Variants in LRRC58 observed in about 807,000 individuals in gnomAD.
LRRC58 encodes leucine rich repeat containing 58.
LRRC58 carries 18 observed loss-of-function variants against 30.6 expected under a neutral mutation model. The observed-to-expected ratio is 0.59, with a 90% confidence interval of 0.41 to 0.87. LRRC58 has a LOEUF of 0.87. Among genes scored for constraint, LRRC58 ranks in the 40% least tolerant of loss-of-function variants. The pLI is 0.00. For synonymous variants in LRRC58, 221 were observed against 206.0 expected, an observed-to-expected ratio of 1.07 and a Z score of -0.62; for missense variants, 420 against 468.4, an observed-to-expected ratio of 0.90 and a Z score of 0.95.
Position 120,345,745 on chromosome 3 carries a change from C to A in LRRC58, c.500+2999G>T, listed in dbSNP as rs1359615780. ...TTTATATGTGGAGCATAGCCTAAAC[C>A]TTTACCGATTCTTAGCAGTAACGAG... On this transcript the variant is annotated intron_variant, in intron 1 of 3. Coordinates refer to ENST00000295628, the MANE Select transcript of LRRC58 (RefSeq NM_001099678.2). 2.6e-5 allele frequency among the ~76,000 whole-genome samples: 4 copies of A among 152,304 alleles called. No homozygotes were observed. The East Asian group carries it at 7.7e-4, about 29-fold the overall frequency.
At chr3:120,340,141 G>A (rs1343393654) in intron 1 of LRRC58, among the ~76,000 whole-genome samples, 3 of 152,178 alleles carry the variant, frequency 2.0e-5, no homozygotes, top group African/African-American at 7.2e-5. Context: ...TTACAGGCAT[G>A]AGCCACCATG....
rs1229020534 is a variant in LRRC58, at chr3:120,335,107, T to C, written c.662A>G (p.Asn221Ser). Residue 221 changes from asparagine to serine, a missense_variant, in exon 3 of 4, where the codon AAT (asparagine) becomes AGT (serine). By Grantham distance (46) the Asn-to-Ser change is conservative. Around this residue, in one of 2 missense-constraint regions of LRRC58, gnomAD observed 154 missense variants for 216.8 expected, o/e 0.71. Transcript: ENST00000295628. ...LHSLRSLSLH[N>S]NLLTYLPREI... ...TCGAGGCAGATATGTCAGCAAGTTA[T>C]TGTGAAGACTTAGGGAACGAAGTGA... 1 of 1,613,678 alleles carries C rather than the reference T, an allele frequency of 6.2e-7. No homozygotes were observed. The highest frequency in any genetic ancestry group is 8.5e-7 in the Non-Finnish European group (1 of 1,179,762).
chr3:120,343,962 C>T (rs1243367069), intron 1 of LRRC58, among the ~76,000 whole-genome samples: 1 of 152,086 alleles, frequency 6.6e-6, no homozygotes, highest in African/African-American at 2.4e-5. Context: ...TCACCTGAAC[C>T]TGGGAGGCAG....
At chr3:120,344,532 T>C (rs1478315937) in intron 1 of LRRC58, among the ~76,000 whole-genome samples, 2 of 152,224 alleles carry the variant, frequency 1.3e-5, no homozygotes, top group Non-Finnish European at 2.9e-5. Context: ...TTCAAAACAT[T>C]TGAGAGCATT....
chr3:120,339,446 T>C (rs750514233), intron 1 of LRRC58, among the ~76,000 whole-genome samples: 4 of 152,230 alleles, frequency 2.6e-5, no homozygotes, highest in Non-Finnish European at 5.9e-5. Context: ...TTCATTTTTC[T>C]TGGAGTACAT....
Position 120,329,390 on chromosome 3 carries a change from A to G in LRRC58, c.*1810T>C, listed in dbSNP as rs960755890. ...CCTCTATTTTATGATATAATCACCTATGTATTACTCTTCTAGGCAGTAGGA... is the reference window on the plus strand; with the variant it reads ...CCTCTATTTTATGATATAATCACCTGTGTATTACTCTTCTAGGCAGTAGGA... On this transcript the variant is annotated 3_prime_UTR_variant, in exon 4 of 4. Transcript: ENST00000295628. 2.0e-5 allele frequency: 3 copies of G among 152,038 alleles called. No individual in the cohort carries two copies. Among genetic ancestry groups the G allele is most frequent in the African/African-American group, 7.2e-5 (3 of 41,432 alleles). 9.4% of individuals were successfully genotyped at this position (152,038 alleles called of 1,614,324 possible). A position where few individuals can be genotyped will look rare whatever the true frequency, so the allele number is the denominator to read the frequency against.
rs2107618589 is a variant in LRRC58, at chr3:120,324,747, G to C, written c.*6453C>G. The C allele has an allele frequency of 6.6e-6, 1 of 152,192 alleles. No individual in the cohort carries two copies. Among genetic ancestry groups the C allele is most frequent in the East Asian group, 1.9e-4 (1 of 5,190 alleles). The allele number at this position is 152,192 out of a possible 1,614,324, so 9.4% of individuals were successfully genotyped here. A position where few individuals can be genotyped will look rare whatever the true frequency, so the allele number is the denominator to read the frequency against. ...TGAAGTAGCCCATATATTCTTTTAA[G>C]AGCATTTAGCATTACAAGGCAATAT... On this transcript the variant is annotated 3_prime_UTR_variant, in exon 4 of 4. Coordinates refer to ENST00000295628, the MANE Select transcript of LRRC58 (RefSeq NM_001099678.2).
intron 3 of LRRC58, 135 bp downstream of exon 3, chr3:120,334,727 A>G: frequency 3.6e-6 from 3 of 831,562 alleles, no homozygotes; most frequent in Middle Eastern, 3.7e-4. Flanking sequence ...AAAAACCCAG[A>G]GTGAAATGTC....
intron 3 of LRRC58, among the ~76,000 whole-genome samples, chr3:120,334,105 A>C (rs959023462): frequency 6.6e-6 from 1 of 152,212 alleles, no homozygotes; most frequent in Non-Finnish European, 1.5e-5. Context: ...AAGAATATAA[A>C]GTTTTGGGTA....
intron 3 of LRRC58, among the ~76,000 whole-genome samples, chr3:120,332,939 G>A (rs907308138): frequency 1.3e-5 from 2 of 151,772 alleles, no homozygotes; most frequent in Non-Finnish European, 2.9e-5. Flanking sequence ...TTGTAGAGAT[G>A]GGGTCTCGCT....
chr3:120,338,071 G>GACCTCAGGTGATCCGCCC (rs1935857756), intron 1 of LRRC58, among the ~76,000 whole-genome samples: 1 of 152,148 alleles, frequency 6.6e-6, no homozygotes, highest in Non-Finnish European at 1.5e-5. Flanking sequence ...TCGAATTCCT[G>GACCTCAGGTGATCCGCCC]ACCTCAGGTG....
intron 1 of LRRC58, among the ~76,000 whole-genome samples, chr3:120,341,537 G>T (rs1418649946): frequency 6.6e-6 from 1 of 152,174 alleles, no homozygotes; most frequent in South Asian, 2.1e-4. Context: ...AATTCATGTT[G>T]AAACCCTAAC....
intron 3 of LRRC58, among the ~76,000 whole-genome samples, chr3:120,333,001 C>T (rs975820160): frequency 4.0e-5 from 6 of 149,322 alleles, no homozygotes; most frequent in African/African-American, 7.5e-5. Context: ...CCTCTTGCCT[C>T]GAATGGCGTG....
chr3:120,348,484 C>G (rs1442441559), intron 1 of LRRC58, among the ~76,000 whole-genome samples: 1 of 152,134 alleles, frequency 6.6e-6, no homozygotes, highest in Admixed American at 6.5e-5. Context: ...GGATCACGCC[C>G]CAGATTCAAT....
intron 1 of LRRC58, among the ~76,000 whole-genome samples, chr3:120,346,892 G>A (rs1354310457): frequency 6.6e-6 from 1 of 152,226 alleles, no homozygotes; most frequent in South Asian, 2.1e-4. Flanking sequence ...ACTCTCTCAT[G>A]TGCACTTAGA....
rs766860444 is a variant in LRRC58 at position 120,331,417 on chromosome 3, A to T, written c.908-9T>A. 6.2e-7 allele frequency: 1 copy of T among 1,600,236 alleles called. No homozygotes were observed. The highest frequency in any genetic ancestry group is 1.7e-4 in the Middle Eastern group (1 of 6,000). ...GCAGTCAAAGTAGACTCCTAAAGAG[A>T]AGAAGGAATAGAAAGTAATCATTAC... On this transcript the variant is annotated splice_polypyrimidine_tract_variant and intron_variant, in intron 3 of 3. Coordinates refer to ENST00000295628, the MANE Select transcript of LRRC58 (RefSeq NM_001099678.2).
rs929754203 is a variant in LRRC58, at chr3:120,329,797, T to C, written c.*1403A>G. ...TTTAACATTAACCAACAAGTCATGT[T>C]ATTAGTTATTTAATGATTACCAGTA... is the stretch of plus-strand genomic sequence containing the variant. On this transcript the variant is annotated 3_prime_UTR_variant, in exon 4 of 4. Coordinates refer to ENST00000295628, the MANE Select transcript of LRRC58 (RefSeq NM_001099678.2). The C allele has an allele frequency of 6.6e-6, 1 of 152,062 alleles. No homozygotes were observed. Among genetic ancestry groups the C allele is most frequent in the African/African-American group, 2.4e-5 (1 of 41,448 alleles). 9.4% of individuals were successfully genotyped at this position (152,062 alleles called of 1,614,324 possible). A position where few individuals can be genotyped will look rare whatever the true frequency, so the allele number is the denominator to read the frequency against.
rs1355248966 is a variant in LRRC58, at chr3:120,325,849, T to C, written c.*5351A>G. The C allele has an allele frequency of 6.6e-6, 1 of 152,204 alleles. No homozygotes were observed. Among genetic ancestry groups the C allele is most frequent in the African/African-American group, 2.4e-5 (1 of 41,448 alleles). The allele number at this position is 152,204 out of a possible 1,614,324, so 9.4% of individuals were successfully genotyped here. A position where few individuals can be genotyped will look rare whatever the true frequency, so the allele number is the denominator to read the frequency against. ...ATAACAGAACATATCTTTTCAGTGA[T>C]TTTATTTCAGGGGACCCTGATTCTT... On this transcript the variant is annotated 3_prime_UTR_variant, in exon 4 of 4. Transcript: ENST00000295628.
intron 1 of LRRC58, among the ~76,000 whole-genome samples, chr3:120,337,132 T>C (rs1935846422): frequency 6.6e-6 from 1 of 152,150 alleles, no homozygotes; most frequent in African/African-American, 2.4e-5. Context: ...CTCCCTTGAA[T>C]TGCCTGTGAA....
Sources: gnomAD v4.1 joint callset for allele counts (sites outside exome capture counted in the v4.1 genomes callset) on GRCh38, gnomAD v4.1.1 for gene constraint, gnomAD v4.1.1 regional missense constraint, MANE v1.5 for transcripts, NCBI Gene and HGNC (gene_info 2026-07-23, HGNC 2026-07-21) for gene names.